PCDHA4: variants seen among roughly 807,000 people sequenced by gnomAD.
PCDHA4 encodes the protein protocadherin alpha 4.
PCDHA4 carries 49 observed loss-of-function variants against 61.4 expected under a neutral mutation model. The ratio of observed to expected loss-of-function variants is 0.80; its 90% CI spans 0.63 to 1.01. PCDHA4 has a LOEUF of 1.01. Ranked by LOEUF, PCDHA4 falls within the 50% of genes least tolerant of loss-of-function variation. The pLI is 0.00. For synonymous variants in PCDHA4, 590 were observed against 550.3 expected, an observed-to-expected ratio of 1.07 and a Z score of -1.01; for missense variants, 1,254 against 1,235.8, an observed-to-expected ratio of 1.01 and a Z score of -0.22.
At chr5:140,865,776 T>C (rs1179893870) in intron 1 of PCDHA4, 1 of 152,204 alleles carries the variant, frequency 6.6e-6, no homozygotes, top group African/African-American at 2.4e-5. Flanking sequence ...ATTATTCAAA[T>C]GTGTATCTTT....
intron 1 of PCDHA4, among the ~76,000 whole-genome samples, chr5:140,819,167 G>A (rs1766503722): frequency 6.6e-6 from 1 of 152,002 alleles, no homozygotes; most frequent in Non-Finnish European, 1.5e-5. Flanking sequence ...ATTAATTTTT[G>A]AAGAATCAAA....
chr5:140,850,984 T>G (rs2150504982), intron 1 of PCDHA4: 15 of 1,451,674 alleles, frequency 1.0e-5, no homozygotes, highest in Non-Finnish European at 1.3e-5. Flanking sequence ...GTTTTATTCA[T>G]TTTTCTAGAA....
In PCDHA4 at chr5:141,010,341, T is replaced by C. The variant is rs199826290; in HGVS notation, c.*404T>C. ...GAGCAGCTTGGGAGTTTGTGGCCAC[T>C]GGGTATGTGTGGCTACCGCGGGTAT... is the stretch of plus-strand genomic sequence containing the variant. On this transcript the variant is annotated 3_prime_UTR_variant, in exon 4 of 4. Coordinates refer to ENST00000530339, the MANE Select transcript of PCDHA4 (RefSeq NM_018907.4). 1 of 1,503,238 alleles carries C rather than the reference T, an allele frequency of 6.7e-7. No homozygotes were observed. The highest frequency in any genetic ancestry group is 8.9e-7 in the Non-Finnish European group (1 of 1,119,606). The allele number at this position is 1,503,238 out of a possible 1,614,324, so 93.1% of individuals were successfully genotyped here. A position where few individuals can be genotyped will look rare whatever the true frequency, so the allele number is the denominator to read the frequency against.
intron 1 of PCDHA4, among the ~76,000 whole-genome samples, chr5:140,908,850 C>T (rs1234928966): frequency 6.6e-6 from 1 of 152,160 alleles, no homozygotes; most frequent in Non-Finnish European, 1.5e-5. Flanking sequence ...GTAACATACC[C>T]AAATGAGGAA....
At chr5:140,927,400 C>A in intron 1 of PCDHA4, 1 of 1,614,126 alleles carries the variant, frequency 6.2e-7, no homozygotes, top group Non-Finnish European at 8.5e-7. Context: ...TCAGCACTTT[C>A]GCCTGGACAT....
chr5:140,840,439 A>G (rs1776702337), intron 1 of PCDHA4, among the ~76,000 whole-genome samples: 1 of 151,972 alleles, frequency 6.6e-6, no homozygotes, highest in Non-Finnish European at 1.5e-5. Context: ...AAGCCGTGGA[A>G]ATAGAAACGT....
In PCDHA4 at chr5:140,924,907, AAAATAAAAT is replaced by A. The variant is rs1563068988; in HGVS notation, c.2386-54038_2386-54030del. 7.1e-4 allele frequency among the ~76,000 whole-genome samples: 36 copies of A among 50,968 alleles called. 1 individual carries two copies. The highest frequency in any genetic ancestry group is 1.7e-3 in the African/African-American group (12 of 7,266). The allele number at this position is 50,968 out of a possible 152,430, so 33.4% of individuals were successfully genotyped here. ...AAGAACCTGTCTCAAAAAAAAAAAT[AAAATAAAAT>A]AAAATAAAATAAAATAAAATAAAAA... On this transcript the variant is annotated intron_variant, in intron 1 of 3. Transcript: ENST00000530339.
At chr5:140,974,690 T>G (rs2096636717) in intron 1 of PCDHA4, among the ~76,000 whole-genome samples, 4 of 152,236 alleles carry the variant, frequency 2.6e-5, no homozygotes, top group Admixed American at 2.6e-4. Context: ...TTTGTATTTT[T>G]GGGTTTCACC....
intron 1 of PCDHA4, among the ~76,000 whole-genome samples, chr5:140,952,315 G>T (rs2094717881): frequency 6.8e-6 from 1 of 147,138 alleles, no homozygotes; most frequent in Non-Finnish European, 1.5e-5. Context: ...TCCAGCCTGG[G>T]CAACAAGAGT....
intron 1 of PCDHA4, among the ~76,000 whole-genome samples, chr5:140,878,958 T>C (rs2057789754): frequency 6.6e-6 from 1 of 152,208 alleles, no homozygotes; most frequent in Admixed American, 6.5e-5. Context: ...TTGAAATGTA[T>C]TACCTGGACA....
chr5:140,843,886 T>A, intron 1 of PCDHA4: 1 of 704,592 alleles, frequency 1.4e-6, no homozygotes, highest in Non-Finnish European at 2.3e-6. Context: ...CATAATACAG[T>A]ATTAATCATT....
At chr5:140,867,813 C>T (rs1189080463) in intron 1 of PCDHA4, 1 of 152,032 alleles carries the variant, frequency 6.6e-6, no homozygotes, top group Non-Finnish European at 1.5e-5. Context: ...TATGAAATTC[C>T]ATTTCCACAA....
At chr5:140,849,658 C>T in intron 1 of PCDHA4, 1 of 1,598,720 alleles carries the variant, frequency 6.3e-7, no homozygotes, top group African/African-American at 1.3e-5. Flanking sequence ...GTTACCTGCT[C>T]CCTGACGCCC....
At chr5:140,936,184 C>T (rs572832347) in intron 1 of PCDHA4, among the ~76,000 whole-genome samples, 4 of 152,308 alleles carry the variant, frequency 2.6e-5, no homozygotes, top group African/African-American at 4.8e-5. Context: ...TAAACCACCA[C>T]GCCCAGCCAA....
intron 3 of PCDHA4, among the ~76,000 whole-genome samples, chr5:140,985,608 G>T (rs76669319): frequency 6.6e-6 from 1 of 152,052 alleles, no homozygotes; most frequent in Non-Finnish European, 1.5e-5. Context: ...AGCCCTTTCC[G>T]TGAACCAGCT....
intron 1 of PCDHA4, chr5:140,841,944 A>G (rs1554138658): frequency 6.2e-7 from 1 of 1,613,794 alleles, no homozygotes; most frequent in African/African-American, 1.3e-5. Context: ...GCTCCTGCGC[A>G]CCACTTATTC....
intron 1 of PCDHA4, chr5:140,823,663 A>T (rs2150128045): frequency 1.2e-6 from 2 of 1,614,010 alleles, no homozygotes; most frequent in Admixed American, 1.7e-5. Flanking sequence ...CACAGGCGAG[A>T]TCAGCACAAC....
At chr5:140,822,572 C>G (rs2150117357) in intron 1 of PCDHA4, 15 of 1,612,554 alleles carry the variant, frequency 9.3e-6, no homozygotes, top group Non-Finnish European at 1.3e-5. Context: ...CTGAACGCCT[C>G]AGATGCAGAT....
intron 1 of PCDHA4, among the ~76,000 whole-genome samples, chr5:140,971,500 T>C (rs2096483313): frequency 1.3e-5 from 2 of 152,136 alleles, no homozygotes; most frequent in Admixed American, 1.3e-4. Context: ...TGTGGCAAGA[T>C]AGGAGCAAAA....
Sources: gnomAD v4.1 joint callset for allele counts (sites outside exome capture counted in the v4.1 genomes callset) on GRCh38, gnomAD v4.1.1 for gene constraint, MANE v1.5 for transcripts, NCBI Gene and HGNC (gene_info 2026-07-23, HGNC 2026-07-21) for gene names.